VPS37A: variants seen among roughly 807,000 people sequenced by gnomAD.
VPS37A encodes the protein vacuolar protein sorting-associated protein 37A.
VPS37A carries 30 observed loss-of-function variants against 49.8 expected under a neutral mutation model. The ratio of observed to expected loss-of-function variants is 0.60; its 90% confidence interval spans 0.45 to 0.82. The LOEUF is 0.82. Ranked by LOEUF, VPS37A falls within the 40% of genes least tolerant of loss-of-function variation. VPS37A has a pLI of 0.00. For missense variants in VPS37A, 593 were observed against 464.4 expected, an observed-to-expected ratio of 1.28 and a Z score of -2.55; for synonymous variants, 195 against 160.6, an observed-to-expected ratio of 1.21 and a Z score of -1.62.
rs149619357 is a variant in VPS37A, at chr8:17,280,032, T to A, written c.718T>A (p.Ser240Thr). ...TTTTTTCTTTTGTGTTTCTAGTGTGTCACAACTCACAGATATGAATGAACA... is the reference window on the plus strand; with the variant it reads ...TTTTTTCTTTTGTGTTTCTAGTGTGACACAACTCACAGATATGAATGAACA... ...AFPELSELSVSQLTDMNEQEE... is the reference protein window; with the variant it reads ...AFPELSELSVTQLTDMNEQEE... Residue 240 changes from serine to threonine, a missense_variant, in exon 7 of 12, where the codon TCA (serine) becomes ACA (threonine). Transcript: ENST00000324849. 14 of 1,610,310 alleles carry A rather than the reference T, an allele frequency of 8.7e-6. No homozygotes were observed. Among genetic ancestry groups the A allele is most frequent in the Non-Finnish European group, 1.2e-5 (14 of 1,178,332 alleles).
At chr8:17,266,021 T>C (rs1339299572) in intron 2 of VPS37A, 40 bp downstream of exon 2, 1 of 1,539,780 alleles carries the variant, frequency 6.5e-7, no homozygotes. Context: ...GTAAAAGGAC[T>C]TAACAGTTTT....
chr8:17,261,535 G>A (rs190013772), intron 1 of VPS37A, among the ~76,000 whole-genome samples: 44 of 152,270 alleles, frequency 2.9e-4, no homozygotes, highest in African/African-American at 9.4e-4. Flanking sequence ...CTGCGGATGT[G>A]CGTCTATGTC....
downstream of VPS37A, chr8:17,304,235 G>C (rs1817307222): frequency 1.2e-6 from 1 of 825,648 alleles, no homozygotes; most frequent in Admixed American, 3.1e-5. Context: ...TACCAGATCA[G>C]ATATTCAAGC....
chr8:17,286,443 A>C lies in VPS37A; in HGVS notation c.*16A>C, dbSNP rs1283917717. The C allele has an allele frequency of 6.2e-7, 1 of 1,609,460 alleles. No homozygotes were observed. Reference sequence around the variant, plus strand: ...TCCACTATAGGTAAATTGTATTTCAAGTTTGAGTCTCAAGGTGATTGCATC... The same window carrying C: ...TCCACTATAGGTAAATTGTATTTCACGTTTGAGTCTCAAGGTGATTGCATC... On this transcript the variant is annotated intron_variant, in intron 11 of 11. Transcript: ENST00000324849.
At chr8:17,325,483 C>G in the VPS37A span, among the ~76,000 whole-genome samples, 1 of 152,150 alleles carries the variant, frequency 6.6e-6, no homozygotes, top group East Asian at 1.9e-4. Flanking sequence ...TTAAGTGGTT[C>G]TATTTTGAGG....
chr8:17,328,550 A>C, the VPS37A span, among the ~76,000 whole-genome samples: 1 of 151,250 alleles, frequency 6.6e-6, no homozygotes, highest in Non-Finnish European at 1.5e-5. Flanking sequence ...GGAATAACAC[A>C]CATTGGGGCC....
chr8:17,264,816 A>T (rs866997597), intron 1 of VPS37A, among the ~76,000 whole-genome samples: 1 of 152,128 alleles, frequency 6.6e-6, no homozygotes, highest in Non-Finnish European at 1.5e-5. Context: ...ACTACTTAGC[A>T]TTTTCCCCCT....
At chr8:17,331,355 C>A in the VPS37A span, 1 of 1,433,690 alleles carries the variant, frequency 7.0e-7, no homozygotes, top group South Asian at 1.4e-5. Context: ...CAAAACATTT[C>A]ATGGATACCC....
the VPS37A span, among the ~76,000 whole-genome samples, chr8:17,333,212 C>A: frequency 2.2e-4 from 33 of 151,920 alleles, no homozygotes; most frequent in Non-Finnish European, 5.9e-5. Flanking sequence ...AGGCATGCTA[C>A]GAGAATAAAG....
rs1364331197 is a variant in VPS37A, at chr8:17,295,257, G to GTAAGAGGC, written c.*271_*272insTAAGAGGC. ...GTTCCACTGCTGTTCCTCTTACCTT[G>GTAAGAGGC]ATTAAATGCCTATGCATGTACTTTT... is the stretch of plus-strand genomic sequence containing the variant. On this transcript the variant is annotated 3_prime_UTR_variant, in exon 12 of 12. Coordinates refer to ENST00000324849, the MANE Select transcript of VPS37A (RefSeq NM_152415.3). The GTAAGAGGC allele has an allele frequency of 4.7e-3, 715 of 152,674 alleles. 10 individuals carry two copies. The highest frequency in any genetic ancestry group is 0.016 in the African/African-American group (669 of 41,548). The allele number at this position is 152,674 out of a possible 1,614,324, so 9.5% of individuals were successfully genotyped here.
intron 1 of VPS37A, among the ~76,000 whole-genome samples, chr8:17,263,331 A>G (rs1411136931): frequency 6.6e-6 from 1 of 152,172 alleles, no homozygotes; most frequent in African/African-American, 2.4e-5. Flanking sequence ...CACATTTGTG[A>G]TGAATATTCA....
intron 1 of VPS37A, among the ~76,000 whole-genome samples, chr8:17,261,510 G>A (rs559309163): frequency 6.6e-6 from 1 of 152,304 alleles, no homozygotes; most frequent in East Asian, 1.9e-4. Flanking sequence ...CAGGCTCCCT[G>A]TTTGCTCTTG....
chr8:17,284,056 C>T (rs1815353945), intron 9 of VPS37A, among the ~76,000 whole-genome samples: 1 of 152,104 alleles, frequency 6.6e-6, no homozygotes, highest in Admixed American at 6.6e-5. Flanking sequence ...GAAATTTAAT[C>T]CCATCATTTT....
At chr8:17,258,985 G>A (rs1369772563) in intron 1 of VPS37A, among the ~76,000 whole-genome samples, 2 of 151,562 alleles carry the variant, frequency 1.3e-5, no homozygotes, top group Admixed American at 6.6e-5. Flanking sequence ...CATTTATTTG[G>A]GTCTTCTCTC....
chr8:17,323,592 G>T, the VPS37A span, among the ~76,000 whole-genome samples: 1 of 152,106 alleles, frequency 6.6e-6, no homozygotes, highest in Non-Finnish European at 1.5e-5. Flanking sequence ...GACTGAGATG[G>T]TGGCTGCCAG....
the VPS37A span, among the ~76,000 whole-genome samples, chr8:17,307,636 T>A: frequency 6.6e-6 from 1 of 152,124 alleles, no homozygotes; most frequent in Non-Finnish European, 1.5e-5. Flanking sequence ...GGAACCAACC[T>A]ATATGTCCAA....
intron 5 of VPS37A, among the ~76,000 whole-genome samples, chr8:17,275,735 C>A (rs1814454299): frequency 6.6e-6 from 1 of 152,120 alleles, no homozygotes; most frequent in African/African-American, 2.4e-5. Context: ...AATTAAAACC[C>A]TCAGTGAATA....
Position 17,280,260 on chromosome 8 carries a change from C to A in VPS37A, c.863C>A (p.Pro288His). 2 of 1,612,630 alleles carry A rather than the reference C, an allele frequency of 1.2e-6. No homozygotes were observed. The highest frequency in any genetic ancestry group is 1.7e-6 in the Non-Finnish European group (2 of 1,179,286). Residue 288 changes from proline (P) to histidine (H), a missense_variant, in exon 8 of 12, where the codon CCC (proline) becomes CAC (histidine). Transcript: ENST00000324849. Reference sequence around the variant, plus strand: ...ACAGGAAAAAATCTCCTTTTGGAGCCCAGCTTGGAAGCCAAAAGACAAACT... The same window carrying A: ...ACAGGAAAAAATCTCCTTTTGGAGCACAGCTTGGAAGCCAAAAGACAAACT... ...ELARKNLLLE[P>H]SLEAKRQTVL... is the part of the protein sequence containing the mutation.
downstream of VPS37A, chr8:17,302,119 A>G (rs1195947127): frequency 4.3e-6 from 7 of 1,613,598 alleles, no homozygotes; most frequent in Non-Finnish European, 5.1e-6. Context: ...AGAAATAAGC[A>G]CAGAAAATAG....
Sources: allele counts gnomAD v4.1 joint callset (sites outside exome capture counted in the v4.1 genomes callset), GRCh38; gene constraint gnomAD v4.1.1; transcripts MANE v1.5; gene names NCBI Gene and HGNC (gene_info 2026-07-23, HGNC 2026-07-21).